The following BAIAP2 variants were observed in gnomAD, a reference collection of about 807,000 sequenced individuals.
BAIAP2 encodes the protein BAR/IMD domain containing adaptor protein 2.
BAIAP2 carries 18 observed loss-of-function variants against 63.0 expected under a neutral mutation model. The ratio of observed to expected loss-of-function variants is 0.29; its 90% CI spans 0.20 to 0.42. BAIAP2 has a LOEUF of 0.42. Among genes scored for constraint, BAIAP2 ranks in the 10% least tolerant of loss-of-function variants. The pLI is 1.00. For missense variants in BAIAP2, 610 were observed against 734.3 expected, an observed-to-expected ratio of 0.83 and a Z score of 1.96; for synonymous variants, 386 against 307.6, an observed-to-expected ratio of 1.25 and a Z score of -2.67.
At chr17:81,105,034 G>C in intron 10 of BAIAP2, 1 of 263,780 alleles carries the variant, frequency 3.8e-6, no homozygotes, top group Non-Finnish European at 7.5e-6. Context: ...CTCCCCCAAT[G>C]GCAGGGGTCT....
chr17:81,084,407 T>C (rs2055194910), intron 3 of BAIAP2, among the ~76,000 whole-genome samples: 1 of 152,110 alleles, frequency 6.6e-6, no homozygotes, highest in Admixed American at 6.5e-5. Flanking sequence ...GTTTGTGCGC[T>C]GTGGTGTGGG....
chr17:81,069,213 A>G (rs1024585223), intron 3 of BAIAP2, among the ~76,000 whole-genome samples: 7 of 152,140 alleles, frequency 4.6e-5, no homozygotes, highest in African/African-American at 1.7e-4. Flanking sequence ...CATTGGAAGC[A>G]TTTTTGTAAT....
chr17:81,068,705 C>A (rs979068013), intron 3 of BAIAP2, among the ~76,000 whole-genome samples: 2 of 152,200 alleles, frequency 1.3e-5, no homozygotes, highest in Non-Finnish European at 2.9e-5. Context: ...GCAGAGAAGG[C>A]CACCTCGGTG....
At chr17:81,071,018 T>C (rs1191383743) in intron 3 of BAIAP2, among the ~76,000 whole-genome samples, 1 of 152,046 alleles carries the variant, frequency 6.6e-6, no homozygotes, top group Non-Finnish European at 1.5e-5. Flanking sequence ...CCAAGGTGGC[T>C]CTTTGGACTT....
Position 81,116,168 on chromosome 17 carries a change from G to A in BAIAP2, c.*329G>A, listed in dbSNP as rs2060519740. ...AGGACATTTGGCCAGCTGGTGGCTGGGAGGGGAGCCTGGCTGCCCTGCTGC... is the reference window on the plus strand; with the variant it reads ...AGGACATTTGGCCAGCTGGTGGCTGAGAGGGGAGCCTGGCTGCCCTGCTGC... On this transcript the variant is annotated 3_prime_UTR_variant, in exon 14 of 14. Coordinates refer to ENST00000428708, the MANE Select transcript of BAIAP2 (RefSeq NM_001144888.2). 1.2e-6 allele frequency: 2 copies of A among 1,604,488 alleles called. No individual in the cohort carries two copies. The highest frequency in any genetic ancestry group is 1.3e-5 in the African/African-American group (1 of 74,826).
chr17:81,115,974 G>T lies in BAIAP2; in HGVS notation c.*135G>T. 1 of 1,500,168 alleles carries T rather than the reference G, an allele frequency of 6.7e-7. No homozygotes were observed. The allele number at this position is 1,500,168 out of a possible 1,614,324, so 92.9% of individuals were successfully genotyped here. On this transcript the variant is annotated 3_prime_UTR_variant, in exon 14 of 14. Transcript: ENST00000428708. ...GCCTGGTCTTGCCCCACTTGAGTCT[G>T]GCCTGGACTGGATCCCAGCTGTTCT...
intron 13 of BAIAP2, among the ~76,000 whole-genome samples, chr17:81,112,888 CAAAAA>C (rs796419504): frequency 4.8e-5 from 7 of 146,556 alleles, no homozygotes; most frequent in African/African-American, 1.5e-4. Flanking sequence ...CCCATCTTGA[CAAAAA>C]AAAAAGTTAA....
intron 6 of BAIAP2, among the ~76,000 whole-genome samples, chr17:81,094,836 G>A (rs2057363585): frequency 1.3e-5 from 2 of 152,236 alleles, no homozygotes; most frequent in Non-Finnish European, 2.9e-5. Context: ...TCGAGTAAGT[G>A]TTACCCATGG....
At chr17:81,094,989 C>T (rs1376968509) in intron 6 of BAIAP2, among the ~76,000 whole-genome samples, 1 of 152,264 alleles carries the variant, frequency 6.6e-6, no homozygotes, top group Admixed American at 6.5e-5. Context: ...GCCCCTCCCC[C>T]ACTCTGAGTC....
chr17:81,073,734 C>T (rs780886511), intron 3 of BAIAP2, among the ~76,000 whole-genome samples: 2 of 152,108 alleles, frequency 1.3e-5, no homozygotes, highest in Non-Finnish European at 2.9e-5. Context: ...TATAAGAACA[C>T]GTTGTATTTT....
intron 4 of BAIAP2, 187 bp from the exon 5 acceptor site, chr17:81,085,467 C>T (rs551801812): frequency 4.7e-5 from 33 of 699,174 alleles, no homozygotes; most frequent in South Asian, 3.9e-4. Flanking sequence ...GTTCAGCACT[C>T]GCTCCTGGCT....
chr17:81,091,212 C>T (rs543365182), intron 6 of BAIAP2, among the ~76,000 whole-genome samples: 7 of 149,334 alleles, frequency 4.7e-5, no homozygotes, highest in African/African-American at 1.7e-4. Flanking sequence ...CCCCACCCCA[C>T]AGGCCTCCTA....
At chr17:81,110,402 G>A in intron 13 of BAIAP2, 1 of 988,652 alleles carries the variant, frequency 1.0e-6, no homozygotes, top group Non-Finnish European at 1.2e-6. Context: ...CTTGTATGAA[G>A]ATGTAAAGTG....
At chr17:81,096,985 A>AG (rs574326390) in intron 6 of BAIAP2, among the ~76,000 whole-genome samples, 52 of 152,222 alleles carry the variant, frequency 3.4e-4, no homozygotes, top group Non-Finnish European at 6.9e-4. Flanking sequence ...GGAGAGGAGG[A>AG]GGAGGAGGAG....
chr17:81,039,911 C>T (rs927580373), intron 1 of BAIAP2, among the ~76,000 whole-genome samples: 1 of 152,200 alleles, frequency 6.6e-6, no homozygotes, highest in African/African-American at 2.4e-5. Context: ...GGCTGAAGCC[C>T]GGTTCACCCT....
intron 6 of BAIAP2, among the ~76,000 whole-genome samples, chr17:81,094,933 C>T (rs1050431490): frequency 5.3e-5 from 8 of 152,330 alleles, no homozygotes; most frequent in East Asian, 1.9e-4. Context: ...CTGCAGCAGC[C>T]GTGGCGGATG....
At chr17:81,115,458 T>C (rs2060429282) in intron 13 of BAIAP2, among the ~76,000 whole-genome samples, 1 of 151,966 alleles carries the variant, frequency 6.6e-6, no homozygotes, top group South Asian at 2.1e-4. Context: ...ACTGGGAGGT[T>C]GTGGCTGGCC....
At position 81,057,948 on chromosome 17, in the gene BAIAP2, C is replaced by T. The variant is rs776547690; in HGVS notation, c.198C>T (p.Ser66=). 1.3e-6 allele frequency: 2 copies of T among 1,540,108 alleles called. No homozygotes were observed. Among genetic ancestry groups the T allele is most frequent in the Admixed American group, 1.8e-5 (1 of 54,902 alleles). Residue 66 remains serine, a synonymous_variant, in exon 3 of 14, where the codon AGC becomes AGT. Coordinates refer to ENST00000428708, the MANE Select transcript of BAIAP2 (RefSeq NM_001144888.2). The part of the protein sequence containing the change: ...LVKMGELASE[S]QGSKELGDVL... ...AGATGGGGGAGCTGGCCAGCGAGAG[C>T]CAGGGCTCCAAAGAACTCGGTGAGA...
chr17:81,084,993 T>G (rs2145278272), intron 4 of BAIAP2, 100 bp downstream of exon 4: 1 of 1,249,936 alleles, frequency 8.0e-7, no homozygotes, highest in Non-Finnish European at 1.2e-6. Context: ...CAGTCCCAGT[T>G]GTCCAGCCAC....
Sources: gnomAD v4.1 joint callset for allele counts (sites outside exome capture counted in the v4.1 genomes callset) on GRCh38, gnomAD v4.1.1 for gene constraint, MANE v1.5 for transcripts, NCBI Gene and HGNC (gene_info 2026-07-23, HGNC 2026-07-21) for gene names.